The following ANO3 variants were observed in gnomAD, a reference collection of about 807,000 sequenced individuals.
ANO3 encodes the protein anoctamin-3.
A neutral mutation model predicts 144.8 loss-of-function variants in ANO3; 99 were observed. That is an observed-to-expected ratio of 0.68 (90% confidence interval 0.58 to 0.81). The LOEUF (loss-of-function observed/expected upper bound fraction) is 0.81, where lower values mean the gene tolerates loss of function less well. ANO3 is among the 30% of genes least tolerant of loss of function. The pLI is 0.00. For missense variants in ANO3, 905 were observed against 1,202.2 expected, an observed-to-expected ratio of 0.75 and a Z score of 3.66; for synonymous variants, 414 against 392.6, an observed-to-expected ratio of 1.05 and a Z score of -0.64.
At chr11:26,639,309 T>A (rs1853068861) in intron 21 of ANO3, 68 bp downstream of exon 21, 2 of 1,191,914 alleles carry the variant, frequency 1.7e-6, no homozygotes, top group Non-Finnish European at 1.2e-6. Flanking sequence ...GTGGCGTGAG[T>A]AGTGCTTAAG....
chr11:26,421,660 A>G (rs1240419900), intron 1 of ANO3, among the ~76,000 whole-genome samples: 1 of 152,048 alleles, frequency 6.6e-6, no homozygotes, highest in East Asian at 1.9e-4. Flanking sequence ...TATCAAGCAC[A>G]TGTATGTTCA....
intron 1 of ANO3, among the ~76,000 whole-genome samples, chr11:26,437,217 G>T (rs909472745): frequency 2.0e-5 from 3 of 152,192 alleles, no homozygotes; most frequent in East Asian, 3.9e-4. Context: ...CTCCCACTTT[G>T]CTGGAGTTGC....
chr11:26,407,034 GTA>G lies in ANO3; in HGVS notation c.47-34874_47-34873del, dbSNP rs1179288112. 3.2e-5 allele frequency among the ~76,000 whole-genome samples: 4 copies of G among 124,612 alleles called. 1 individual carries two copies. The highest frequency in any genetic ancestry group is 5.4e-4 in the South Asian group (2 of 3,720). The allele number at this position is 124,612 out of a possible 152,430, so 81.8% of individuals were successfully genotyped here. A position where few individuals can be genotyped will look rare whatever the true frequency, so the allele number is the denominator to read the frequency against. On this transcript the variant is annotated intron_variant, in intron 1 of 26. Coordinates refer to ENST00000256737, the MANE Select transcript of ANO3 (RefSeq NM_031418.4). ...TGTGTATATATATATAGGTGTGTGTGTATATATATATGGGTGTGTGTGTGTGT... is the reference window on the plus strand; with the variant it reads ...TGTGTATATATATATAGGTGTGTGTGTATATATATGGGTGTGTGTGTGTGT...
intron 18 of ANO3, among the ~76,000 whole-genome samples, chr11:26,627,976 C>T (rs968763029): frequency 6.6e-6 from 1 of 151,950 alleles, no homozygotes; most frequent in African/African-American, 2.4e-5. Context: ...TTTTTTTAAA[C>T]TTTCTGTTTC....
chr11:26,503,433 T>C (rs1232438832), intron 4 of ANO3, among the ~76,000 whole-genome samples: 2 of 152,120 alleles, frequency 1.3e-5, no homozygotes, highest in Non-Finnish European at 2.9e-5. Context: ...ATGGGTTAAT[T>C]AACATATTTG....
intron 1 of ANO3, among the ~76,000 whole-genome samples, chr11:26,359,085 T>C (rs1413210129): frequency 6.6e-6 from 1 of 152,222 alleles, no homozygotes; most frequent in Non-Finnish European, 1.5e-5. Flanking sequence ...ATTTCAAATT[T>C]TTCTGGTGCT....
intron 4 of ANO3, among the ~76,000 whole-genome samples, chr11:26,491,515 G>A (rs1048607555): frequency 6.6e-6 from 1 of 152,136 alleles, no homozygotes; most frequent in Non-Finnish European, 1.5e-5. Context: ...CTGCCTCTGA[G>A]CAAGGGAAAC....
chr11:26,288,432 G>A (rs1853858506), intron 1 of ANO3, among the ~76,000 whole-genome samples: 1 of 152,126 alleles, frequency 6.6e-6, no homozygotes, highest in Non-Finnish European at 1.5e-5. Flanking sequence ...CAACATATAG[G>A]ACAAATTATA....
chr11:26,540,992 C>G (rs1474605133), intron 10 of ANO3, among the ~76,000 whole-genome samples: 1 of 151,954 alleles, frequency 6.6e-6, no homozygotes, highest in African/African-American at 2.4e-5. Flanking sequence ...AAGGCACATG[C>G]ACACGTATGT....
chr11:26,527,480 G>C (rs1048096805), intron 7 of ANO3, among the ~76,000 whole-genome samples: 1 of 151,918 alleles, frequency 6.6e-6, no homozygotes, highest in Non-Finnish European at 1.5e-5. Context: ...AAATAGAAAA[G>C]AAGTCTATAA....
chr11:26,628,131 T>G (rs1852653396), intron 18 of ANO3, among the ~76,000 whole-genome samples: 1 of 152,180 alleles, frequency 6.6e-6, no homozygotes, highest in East Asian at 1.9e-4. Flanking sequence ...TCCTGGTTTT[T>G]GAGGATTAGA....
In ANO3 at chr11:26,563,317, G is replaced by A. The variant is rs779033808; in HGVS notation, c.1447+3538G>A. On this transcript the variant is annotated intron_variant, in intron 14 of 26. Coordinates refer to ENST00000256737, the MANE Select transcript of ANO3 (RefSeq NM_031418.4). ...ATATAAAATAATTATTCAAAGAACC[G>A]AACTCTATGCATGTGAACTTTCCAT... 17 of 1,520,534 alleles carry A rather than the reference G, an allele frequency of 1.1e-5. No individual in the cohort carries two copies. The East Asian group carries it at 1.5e-4, about 13-fold the overall frequency. The allele number at this position is 1,520,534 out of a possible 1,614,324, so 94.2% of individuals were successfully genotyped here.
chr11:26,417,586 C>T (rs934262308), intron 1 of ANO3, among the ~76,000 whole-genome samples: 1 of 151,938 alleles, frequency 6.6e-6, no homozygotes, highest in Non-Finnish European at 1.5e-5. Flanking sequence ...AACAGAGGCA[C>T]ATCATAGGAA....
chr11:26,367,530 T>TGGAA (rs1460647016), intron 1 of ANO3, among the ~76,000 whole-genome samples: 3 of 152,026 alleles, frequency 2.0e-5, no homozygotes, highest in African/African-American at 7.2e-5. Context: ...CCCCCAAACT[T>TGGAA]TTCCAACATC....
intron 17 of ANO3, among the ~76,000 whole-genome samples, chr11:26,623,159 C>CA (rs1413227138): frequency 6.6e-6 from 1 of 152,182 alleles, no homozygotes; most frequent in Non-Finnish European, 1.5e-5. Context: ...GTACTGTACT[C>CA]AGTGTAATCT....
At chr11:26,344,558 G>A (rs1252700601) in intron 1 of ANO3, among the ~76,000 whole-genome samples, 3 of 151,860 alleles carry the variant, frequency 2.0e-5, no homozygotes, top group South Asian at 2.1e-4. Flanking sequence ...GTAGAGACGG[G>A]GTTTCATCAT....
In ANO3 at chr11:26,643,194, G is replaced by C; in HGVS notation, c.2288G>C (p.Gly763Ala). 6.2e-7 allele frequency: 1 copy of C among 1,613,840 alleles called. No homozygotes were observed. The highest frequency in any genetic ancestry group is 8.5e-7 in the Non-Finnish European group (1 of 1,179,922). The change falls in exon 23 of 27, where the codon GGT becomes GCT. Residue 763 changes from glycine (G) to alanine (A), a missense_variant. By Grantham distance (60) the Gly-to-Ala change is moderately conservative (BLOSUM62 0). Coordinates refer to ENST00000256737, the MANE Select transcript of ANO3 (RefSeq NM_031418.4). ...DEYLEMVLQF[G>A]FTTIFVAAFP... ...TCTTCTTTTGCAGTTTTGCAATTTG[G>C]TTTTACCACCATCTTTGTTGCGGCT...
intron 1 of ANO3, among the ~76,000 whole-genome samples, chr11:26,203,374 T>C (rs1194623442): frequency 6.6e-6 from 1 of 152,074 alleles, no homozygotes; most frequent in Non-Finnish European, 1.5e-5. Flanking sequence ...TAAATTAGCA[T>C]AAGGTAGAGC....
At chr11:26,587,803 A>C (rs1306284080) in intron 14 of ANO3, among the ~76,000 whole-genome samples, 1 of 152,070 alleles carries the variant, frequency 6.6e-6, no homozygotes, top group East Asian at 1.9e-4. Context: ...CTAAAATTAA[A>C]AAAATCAGTG....
Sources: gnomAD v4.1 joint callset for allele counts (sites outside exome capture counted in the v4.1 genomes callset) on GRCh38, gnomAD v4.1.1 for gene constraint, MANE v1.5 for transcripts, NCBI Gene and HGNC (gene_info 2026-07-23, HGNC 2026-07-21) for gene names.